AP2A2: variants seen among roughly 807,000 people sequenced by gnomAD.
AP2A2 encodes the protein adaptor related protein complex 2 subunit alpha 2.
A neutral mutation model predicts 104.2 loss-of-function variants in AP2A2; 32 were observed. That is an observed-to-expected ratio of 0.31 (90% CI 0.23 to 0.41). The LOEUF (loss-of-function observed/expected upper bound fraction) is 0.41, where lower values mean the gene tolerates loss of function less well. Among genes scored for constraint, AP2A2 ranks in the 10% least tolerant of loss-of-function variants. The pLI is 1.00. For synonymous variants in AP2A2, 539 were observed against 533.3 expected (o/e 1.01, Z -0.15); for missense variants, 912 against 1,261.0 (o/e 0.72, Z 4.19).
chr11:976,434 T>A lies in AP2A2; in HGVS notation c.474-661T>A, dbSNP rs566229963. Among the ~76,000 whole-genome samples, 519 of 152,220 alleles carry A rather than the reference T, an allele frequency of 3.4e-3. 2 individuals are homozygous for A. The highest frequency in any genetic ancestry group is 8.1e-3 in the Admixed American group (124 of 15,282). ...GCTTGGAGAAGAGACTGGCCCTTTTTCAGCTGTGCCTCCACAGCGTCCACC... is the reference window on the plus strand; with the variant it reads ...GCTTGGAGAAGAGACTGGCCCTTTTACAGCTGTGCCTCCACAGCGTCCACC... On this transcript the variant is annotated intron_variant, in intron 4 of 21. Coordinates refer to ENST00000448903, the MANE Select transcript of AP2A2 (RefSeq NM_012305.4).
chr11:1,007,469 G>C (rs1460180087), intron 17 of AP2A2: 1 of 156,082 alleles, frequency 6.4e-6, no homozygotes, highest in Non-Finnish European at 1.4e-5. Flanking sequence ...CTGAGTGGCC[G>C]GCGGCACACG....
At chr11:1,010,446 G>A in intron 21 of AP2A2, 102 bp from the exon 22 acceptor site, 1 of 900,338 alleles carries the variant, frequency 1.1e-6, no homozygotes, top group East Asian at 2.6e-5. Flanking sequence ...TCCAGAGAGT[G>A]GTCCCTGGGC....
chr11:1,008,061 G>T lies in AP2A2; in HGVS notation c.2346G>T (p.Ala782=). ...KPVDPTVEGG[A]QVQQVVNIEC... Reference sequence around the variant, plus strand: ...TGGACCCGACCGTGGAGGGGGGCGCGCAGGTGCAGCAGGTGGTCAACATAG... The same window carrying T: ...TGGACCCGACCGTGGAGGGGGGCGCTCAGGTGCAGCAGGTGGTCAACATAG... The change falls in exon 18 of 22, where the codon GCG becomes GCT. Residue 782 remains alanine, a synonymous_variant. Transcript: ENST00000448903. 1.9e-6 allele frequency: 3 copies of T among 1,587,286 alleles called. No individual in the cohort carries two copies. The highest frequency in any genetic ancestry group is 2.6e-6 in the Non-Finnish European group (3 of 1,167,554).
At chr11:964,799 A>C (rs1297263114) in intron 2 of AP2A2, among the ~76,000 whole-genome samples, 3 of 136,180 alleles carry the variant, frequency 2.2e-5, no homozygotes, top group Admixed American at 1.6e-4. Context: ...CCCAGATGGA[A>C]GCGTGGAAAT....
chr11:940,624 TG>T (rs150869603), intron 1 of AP2A2: 5,094 of 352,604 alleles, frequency 0.014, 249 homozygotes, highest in African/African-American at 0.097. Flanking sequence ...ATCTCGTCTG[TG>T]TAAAGGTGTT....
chr11:1,003,911 A>G (rs1420423337), intron 16 of AP2A2, 107 bp downstream of exon 16: 4 of 728,258 alleles, frequency 5.5e-6, no homozygotes, highest in Non-Finnish European at 8.6e-6. Context: ...CAGAATATAA[A>G]AAGAACTCCC....
At chr11:944,091 A>G (rs928274238) in intron 1 of AP2A2, among the ~76,000 whole-genome samples, 20 of 152,226 alleles carry the variant, frequency 1.3e-4, no homozygotes, top group Non-Finnish European at 2.4e-4. Context: ...TGCAGGTGGC[A>G]GCGGAGATGG....
intron 6 of AP2A2, 158 bp downstream of exon 6, chr11:981,457 C>G (rs1855238026): frequency 3.2e-6 from 2 of 630,220 alleles, no homozygotes; most frequent in African/African-American, 1.8e-5. Flanking sequence ...GAGAACTGTC[C>G]TGTCTGTACA....
At chr11:931,764 ATTGTGG>A (rs1380651043) in intron 1 of AP2A2, among the ~76,000 whole-genome samples, 1 of 149,894 alleles carries the variant, frequency 6.7e-6, no homozygotes. Flanking sequence ...TGCTCTGCTC[ATTGTGG>A]TTGGCATAAA....
At chr11:972,345 T>C in intron 4 of AP2A2, 90 bp downstream of exon 4, 1 of 1,319,330 alleles carries the variant, frequency 7.6e-7, no homozygotes, top group Non-Finnish European at 1.0e-6. Flanking sequence ...GCCTAGGAAA[T>C]GTTTTACTCT....
intron 9 of AP2A2, among the ~76,000 whole-genome samples, chr11:987,526 G>A (rs563171704): frequency 6.6e-6 from 1 of 152,046 alleles, no homozygotes; most frequent in East Asian, 1.9e-4. Context: ...GTGGCGGCCG[G>A]TGCCTGTAGT....
chr11:989,017 T>A (rs1855556959), intron 10 of AP2A2, among the ~76,000 whole-genome samples: 1 of 151,804 alleles, frequency 6.6e-6, no homozygotes, highest in Non-Finnish European at 1.5e-5. Context: ...GCATTTTTGG[T>A]AGAGTCGTTT....
At chr11:976,183 C>T (rs941963713) in intron 4 of AP2A2, among the ~76,000 whole-genome samples, 5 of 152,192 alleles carry the variant, frequency 3.3e-5, no homozygotes, top group Admixed American at 6.5e-5. Context: ...CTGCTCTGGG[C>T]TGATCTGGTG....
At position 1,012,111 on chromosome 11, in the gene AP2A2, C is replaced by G. The variant is rs1367977858; in HGVS notation, c.*1486C>G. 2 of 152,964 alleles carry G rather than the reference C, an allele frequency of 1.3e-5. No individual in the cohort carries two copies. The highest frequency in any genetic ancestry group is 2.4e-5 in the African/African-American group (1 of 41,468). 9.5% of individuals were successfully genotyped at this position (152,964 alleles called of 1,614,324 possible). Reference sequence around the variant, plus strand: ...GGCTGCGTGTGCTGCCGTGGATCTCCTGCATCCCTTGACCCCTCCCGCCAT... The same window carrying G: ...GGCTGCGTGTGCTGCCGTGGATCTCGTGCATCCCTTGACCCCTCCCGCCAT... On this transcript the variant is annotated 3_prime_UTR_variant, in exon 22 of 22. Transcript: ENST00000448903.
intron 1 of AP2A2, among the ~76,000 whole-genome samples, chr11:942,827 C>T (rs1029675318): frequency 6.6e-6 from 1 of 152,158 alleles, no homozygotes; most frequent in Non-Finnish European, 1.5e-5. Flanking sequence ...GCGGAAGTGA[C>T]ATTTCATCTG....
chr11:1,008,920 T>A, intron 18 of AP2A2, 180 bp from the exon 19 acceptor site: 1 of 605,608 alleles, frequency 1.7e-6, no homozygotes, highest in Admixed American at 2.9e-5. Flanking sequence ...TCCTCCTGTC[T>A]GTGGGTGACA....
intron 10 of AP2A2, among the ~76,000 whole-genome samples, chr11:990,186 G>C (rs969345599): frequency 6.6e-6 from 1 of 152,230 alleles, no homozygotes; most frequent in Non-Finnish European, 1.5e-5. Flanking sequence ...TCTCACGCTG[G>C]ACTGTCCACC....
chr11:945,280 C>T (rs1045762197), intron 1 of AP2A2, among the ~76,000 whole-genome samples: 5 of 152,094 alleles, frequency 3.3e-5, no homozygotes, highest in Non-Finnish European at 7.4e-5. Context: ...GATGGTAGGA[C>T]CTCCTGTCTA....
At chr11:998,465 C>T (rs1215997945) in intron 14 of AP2A2, among the ~76,000 whole-genome samples, 1 of 151,780 alleles carries the variant, frequency 6.6e-6, no homozygotes, top group Admixed American at 6.6e-5. Context: ...TACAGTGTGA[C>T]ACCTTAACTT....
Sources: gnomAD v4.1 joint callset for allele counts (sites outside exome capture counted in the v4.1 genomes callset) on GRCh38, gnomAD v4.1.1 for gene constraint, MANE v1.5 for transcripts, NCBI Gene and HGNC (gene_info 2026-07-23, HGNC 2026-07-21) for gene names.